ASB3: variants seen among roughly 807,000 people sequenced by gnomAD.
ASB3 encodes ankyrin repeat and SOCS box protein 3.
In ASB3, 41 loss-of-function variants were observed where a neutral mutation model predicts 54.5. That is an observed-to-expected ratio of 0.75 (90% confidence interval 0.59 to 0.98). The LOEUF (loss-of-function observed/expected upper bound fraction) is 0.98, where lower values mean the gene tolerates loss of function less well. Among genes scored for constraint, ASB3 ranks in the 50% least tolerant of loss-of-function variants. The pLI is 0.00. For missense variants in ASB3, 733 were observed against 620.0 expected, an observed-to-expected ratio of 1.18 and a Z score of -1.94; for synonymous variants, 266 against 221.2, an observed-to-expected ratio of 1.20 and a Z score of -1.80.
In ASB3 at chr2:53,670,013, T is replaced by C. The variant is rs1225500166; in HGVS notation, c.*490A>G. ...CATGTTCTTTAATAAACATAAGAGATAGTCAAGTCTAAATAAAATAATAAT... is the reference window on the plus strand; with the variant it reads ...CATGTTCTTTAATAAACATAAGAGACAGTCAAGTCTAAATAAAATAATAAT... On this transcript the variant is annotated 3_prime_UTR_variant, in exon 10 of 10. Transcript: ENST00000263634. 7.7e-5 allele frequency: 11 copies of C among 143,696 alleles called. No homozygotes were observed. The highest frequency in any genetic ancestry group is 6.3e-4 in the Admixed American group (9 of 14,368). 8.9% of individuals were successfully genotyped at this position (143,696 alleles called of 1,614,324 possible).
At chr2:53,760,377 G>A (rs1322468341) in intron 2 of ASB3, among the ~76,000 whole-genome samples, 1 of 151,960 alleles carries the variant, frequency 6.6e-6, no homozygotes. Context: ...ACACTGCCAG[G>A]GTCACCAGAA....
intron 3 of ASB3, among the ~76,000 whole-genome samples, chr2:53,750,158 T>G (rs1672439273): frequency 6.6e-6 from 1 of 152,092 alleles, no homozygotes; most frequent in Non-Finnish European, 1.5e-5. Flanking sequence ...CTTCATTGAC[T>G]CAATTTTCTC....
chr2:53,771,377 T>C (rs1183022080), intron 1 of ASB3, among the ~76,000 whole-genome samples: 2 of 152,074 alleles, frequency 1.3e-5, no homozygotes, highest in African/African-American at 2.4e-5. Flanking sequence ...GCTGGGTGTC[T>C]TGGCGGGCAC....
chr2:53,738,945 A>C (rs1671789041), intron 3 of ASB3, among the ~76,000 whole-genome samples: 1 of 152,188 alleles, frequency 6.6e-6, no homozygotes, highest in Non-Finnish European at 1.5e-5. Flanking sequence ...CTTCAATCCA[A>C]ACAGGTAAGA....
chr2:53,741,097 C>T lies in ASB3; in HGVS notation c.355+9686G>A, dbSNP rs556878451. Among the ~76,000 whole-genome samples, 82 of 152,156 alleles carry T rather than the reference C, an allele frequency of 5.4e-4. 1 individual carries two copies. Among genetic ancestry groups the T allele is most frequent in the African/African-American group, 1.9e-3 (77 of 41,528 alleles). ...TGACCCATACTAAGGCTTAGAGAAA[C>T]AAAATATTCTGGGAGTTCCCTATCA... On this transcript the variant is annotated intron_variant, in intron 3 of 9. Transcript: ENST00000263634.
intron 7 of ASB3, among the ~76,000 whole-genome samples, chr2:53,711,974 A>G (rs1670124257): frequency 6.6e-6 from 1 of 152,192 alleles, no homozygotes; most frequent in Non-Finnish European, 1.5e-5. Flanking sequence ...GCATGTTAAG[A>G]ACTTCTTAGC....
intron 7 of ASB3, among the ~76,000 whole-genome samples, chr2:53,714,155 C>T (rs1670260135): frequency 6.6e-6 from 1 of 152,056 alleles, no homozygotes; most frequent in Admixed American, 6.6e-5. Flanking sequence ...GATTGCTACA[C>T]TAAAAATATA....
Position 53,670,554 on chromosome 2 carries a change from G to C in ASB3, c.1506C>G (p.Asp502Glu). The change falls in exon 10 of 10, where the codon GAC becomes GAG. Residue 502 changes from aspartate (D) to glutamate (E), a missense_variant. Coordinates refer to ENST00000263634, the MANE Select transcript of ASB3 (RefSeq NM_016115.5). ...CTGGAACTTCATACATCCTCAGAAC[G>C]TCTTCATAGAGCAAATAATTATGTA... ...RSLHNYLLYE[D>E]VLRMYEVPEL... is the part of the protein sequence containing the mutation. The C allele has an allele frequency of 6.2e-7, 1 of 1,613,868 alleles. No homozygotes were observed. Among genetic ancestry groups the C allele is most frequent in the Non-Finnish European group, 8.5e-7 (1 of 1,179,954 alleles).
chr2:53,694,203 A>T, intron 8 of ASB3, 189 bp from the exon 9 acceptor site: 1 of 551,034 alleles, frequency 1.8e-6, no homozygotes, highest in Non-Finnish European at 3.0e-6. Context: ...ACAGGTTCCT[A>T]TTAACTGAAT....
chr2:53,780,608 G>C (rs1674591377), intron 1 of ASB3, among the ~76,000 whole-genome samples: 3 of 151,914 alleles, frequency 2.0e-5, no homozygotes. Context: ...GTGAGACCAT[G>C]TCTCTACAAA....
chr2:53,676,675 A>G (rs1481828173), intron 9 of ASB3, among the ~76,000 whole-genome samples: 1 of 152,194 alleles, frequency 6.6e-6, no homozygotes, highest in African/African-American at 2.4e-5. Flanking sequence ...TCACTCATTG[A>G]TATCACCCAG....
intron 2 of ASB3, among the ~76,000 whole-genome samples, chr2:53,754,328 G>A (rs13024829): frequency 1.0e-3 from 156 of 152,210 alleles, no homozygotes; most frequent in Admixed American, 2.6e-3. Flanking sequence ...ACTCCATCAA[G>A]GAAGTAGAGT....
chr2:53,760,035 G>C (rs1221049154), intron 2 of ASB3, among the ~76,000 whole-genome samples: 3 of 152,168 alleles, frequency 2.0e-5, no homozygotes, highest in Non-Finnish European at 4.4e-5. Flanking sequence ...TCCTAGGACA[G>C]GCAGTCACTA....
At chr2:53,783,337 C>T (rs1674759663) in intron 1 of ASB3, among the ~76,000 whole-genome samples, 2 of 151,980 alleles carry the variant, frequency 1.3e-5, no homozygotes, top group Admixed American at 6.6e-5. Flanking sequence ...ATTGATCCTT[C>T]GTATTATGTA....
chr2:53,729,528 T>A lies in ASB3; in HGVS notation c.398A>T (p.Gln133Leu), dbSNP rs1039602794. ...GQIDVLRLLL[Q>L]HGANVNGSHS... ...GGATCCATTAACATTTGCTCCGTGT[T>A]GAAGCAACAGCCTTAACACATCTAT... The change falls in exon 4 of 10, where the codon CAA becomes CTA. Residue 133 changes from glutamine (Q) to leucine (L), a missense_variant. Physicochemically the swap from Gln to Leu is moderately radical, Grantham distance 113. Coordinates refer to ENST00000263634, the MANE Select transcript of ASB3 (RefSeq NM_016115.5). The A allele has an allele frequency of 1.2e-6, 2 of 1,613,796 alleles. No individual in the cohort carries two copies. The highest frequency in any genetic ancestry group is 3.3e-5 in the Admixed American group (2 of 60,004).
chr2:53,786,042 A>T (rs370313249), intron 1 of ASB3, among the ~76,000 whole-genome samples: 5 of 152,176 alleles, frequency 3.3e-5, no homozygotes, highest in Admixed American at 6.5e-5. Flanking sequence ...AAATCTGAGG[A>T]AGTGGGGGCG....
chr2:53,768,054 C>G, intron 1 of ASB3: 2 of 1,607,494 alleles, frequency 1.2e-6, no homozygotes, highest in Admixed American at 1.7e-5. Flanking sequence ...ACACTTACTG[C>G]CCCCTGACCC....
At chr2:53,712,769 GGCGC>G (rs762941607) in intron 7 of ASB3, among the ~76,000 whole-genome samples, 38 of 147,376 alleles carry the variant, frequency 2.6e-4, no homozygotes, top group Admixed American at 2.0e-4. Context: ...CACACACACA[GGCGC>G]GCGCGCGCGC....
chr2:53,776,039 A>C (rs1674315562), intron 1 of ASB3, among the ~76,000 whole-genome samples: 1 of 152,154 alleles, frequency 6.6e-6, no homozygotes, highest in South Asian at 2.1e-4. Flanking sequence ...AGGACATATA[A>C]TCTCTCTAGA....
Sources: gnomAD v4.1 joint callset for allele counts (sites outside exome capture counted in the v4.1 genomes callset) on GRCh38, gnomAD v4.1.1 for gene constraint, MANE v1.5 for transcripts, NCBI Gene and HGNC (gene_info 2026-07-23, HGNC 2026-07-21) for gene names.